The following STXBP5L variants were observed in gnomAD, a reference collection of about 807,000 sequenced individuals.
STXBP5L encodes syntaxin binding protein 5L.
STXBP5L carries 65 observed loss-of-function variants against 144.5 expected under a neutral mutation model. The ratio of observed to expected loss-of-function variants is 0.45; its 90% confidence interval spans 0.37 to 0.55. The LOEUF (loss-of-function observed/expected upper bound fraction) is 0.55. STXBP5L is among the 20% of genes least tolerant of loss of function. The probability of loss-of-function intolerance (pLI) is 0.00; values close to 1 mark genes in which losing one functional copy is unlikely to be tolerated. For missense variants in STXBP5L, 1,298 were observed against 1,405.5 expected (o/e 0.92, Z 1.22); for synonymous variants, 505 against 469.6 (o/e 1.08, Z -0.97).
intron 5 of STXBP5L, among the ~76,000 whole-genome samples, chr3:121,051,899 A>T (rs138878532): frequency 0.014 from 2,057 of 152,252 alleles, 18 homozygotes; most frequent in Middle Eastern, 0.034. Flanking sequence ...AAAATGATAA[A>T]GGGGATATCA....
chr3:120,938,740 T>G (rs1710399821), intron 2 of STXBP5L, among the ~76,000 whole-genome samples: 1 of 152,202 alleles, frequency 6.6e-6, no homozygotes, highest in Non-Finnish European at 1.5e-5. Context: ...ACCATGTGTA[T>G]TCACTAGGTT....
chr3:121,002,073 C>A (rs953507707), intron 3 of STXBP5L, among the ~76,000 whole-genome samples: 1 of 151,904 alleles, frequency 6.6e-6, no homozygotes, highest in South Asian at 2.1e-4. Flanking sequence ...TCATATATAC[C>A]CAGAAGAGAG....
chr3:121,044,346 A>T (rs1326391175), intron 4 of STXBP5L, among the ~76,000 whole-genome samples: 1 of 152,168 alleles, frequency 6.6e-6, no homozygotes, highest in Non-Finnish European at 1.5e-5. Context: ...TGGCTTAGAA[A>T]TTATTATAGA....
In STXBP5L at chr3:121,392,342, C is replaced by T. The variant is rs139558972; in HGVS notation, c.2587+10810C>T. On this transcript the variant is annotated intron_variant, in intron 22 of 26. Transcript: ENST00000471454. ...TGGCTAGGAAAGGGAAATCCCCCCA[C>T]CCCTTGCGCTTCCCAGGTAAGGTGA... 4.2e-4 allele frequency among the ~76,000 whole-genome samples: 64 copies of T among 152,260 alleles called. 1 individual carries two copies. The highest frequency in any genetic ancestry group is 1.4e-3 in the African/African-American group (58 of 41,558).
At chr3:121,411,099 T>C (rs1452706742) in intron 23 of STXBP5L, among the ~76,000 whole-genome samples, 1 of 152,130 alleles carries the variant, frequency 6.6e-6, no homozygotes, top group Non-Finnish European at 1.5e-5. Context: ...TCTTTTAATA[T>C]CTTTTTAAGA....
chr3:120,924,832 C>T (rs1179407893), intron 2 of STXBP5L, among the ~76,000 whole-genome samples: 3 of 36,524 alleles, frequency 8.2e-5, no homozygotes, highest in African/African-American at 4.0e-4. Flanking sequence ...GTCTCAGCCT[C>T]CCCGAGTAGC....
At position 121,273,826 on chromosome 3, in the gene STXBP5L, T is replaced by C. The variant is rs534512142; in HGVS notation, c.1959-5979T>C. Among the ~76,000 whole-genome samples the C allele has an allele frequency of 2.6e-5, 4 of 152,172 alleles. No individual in the cohort carries two copies. The South Asian group carries it at 8.3e-4, about 32-fold the overall frequency. On this transcript the variant is annotated intron_variant, in intron 18 of 26. Transcript: ENST00000471454. ...GCTTGATCAAGTCGGCTAGCAGAGC[T>C]CTCTACTGCATTTTTTCTTTCATTC... is the stretch of plus-strand genomic sequence containing the variant.
At chr3:121,239,362 T>G (rs529108919) in intron 13 of STXBP5L, among the ~76,000 whole-genome samples, 1 of 150,554 alleles carries the variant, frequency 6.6e-6, no homozygotes, top group African/African-American at 2.4e-5. Flanking sequence ...TAAGATATAC[T>G]TATCTAGTAT....
intron 2 of STXBP5L, among the ~76,000 whole-genome samples, chr3:120,931,221 G>A (rs1425466218): frequency 6.6e-6 from 1 of 152,076 alleles, no homozygotes; most frequent in African/African-American, 2.4e-5. Context: ...TTGTCAGAAA[G>A]TGGGGTAATT....
intron 3 of STXBP5L, among the ~76,000 whole-genome samples, chr3:120,967,087 G>A (rs1484951704): frequency 1.3e-5 from 2 of 152,100 alleles, no homozygotes; most frequent in African/African-American, 2.4e-5. Context: ...GGCTCAGTGG[G>A]TGTGGGACCC....
intron 5 of STXBP5L, among the ~76,000 whole-genome samples, chr3:121,100,624 A>G (rs1256014617): frequency 6.6e-6 from 1 of 152,190 alleles, no homozygotes; most frequent in Non-Finnish European, 1.5e-5. Context: ...ATAGTACTAA[A>G]TGCCTGTCTC....
At chr3:120,962,585 G>T (rs911701748) in intron 3 of STXBP5L, among the ~76,000 whole-genome samples, 1 of 152,162 alleles carries the variant, frequency 6.6e-6, no homozygotes, top group Non-Finnish European at 1.5e-5. Context: ...TCAGATGGTT[G>T]TAGATGTGTG....
chr3:121,342,960 C>A (rs1442294442), intron 20 of STXBP5L, among the ~76,000 whole-genome samples: 8 of 150,426 alleles, frequency 5.3e-5, no homozygotes, highest in Non-Finnish European at 7.4e-5. Context: ...TACAGTCCCA[C>A]CAACAGTGTA....
intron 5 of STXBP5L, among the ~76,000 whole-genome samples, chr3:121,099,932 C>G (rs930638497): frequency 6.6e-6 from 1 of 151,766 alleles, no homozygotes; most frequent in Admixed American, 6.6e-5. Flanking sequence ...AAATCGAAAA[C>G]AAAAAAGTAG....
intron 9 of STXBP5L, among the ~76,000 whole-genome samples, chr3:121,166,169 G>C (rs2046491545): frequency 6.6e-6 from 1 of 152,026 alleles, no homozygotes; most frequent in African/African-American, 2.4e-5. Flanking sequence ...ACCACACCCA[G>C]CTAATTTTTA....
At chr3:121,191,526 G>A (rs1234856945) in intron 9 of STXBP5L, among the ~76,000 whole-genome samples, 2 of 152,162 alleles carry the variant, frequency 1.3e-5, no homozygotes, top group African/African-American at 4.8e-5. Context: ...GAGGGAGACT[G>A]TGCAAAGGGG....
Position 121,233,480 on chromosome 3 carries a change from C to A in STXBP5L, c.1112-136C>A, listed in dbSNP as rs1363866965. On this transcript the variant is annotated intron_variant, in intron 11 of 26. Coordinates refer to ENST00000471454, the MANE Select transcript of STXBP5L (RefSeq NM_001308330.2). ...AACTTTTTTTAAGTGCTCTTTGTTA[C>A]TTCTTACTTTGGCTTATAGTTTGGT... 1.3e-5 allele frequency: 7 copies of A among 522,448 alleles called. No individual in the cohort carries two copies. The East Asian group carries it at 2.3e-4, about 17-fold the overall frequency. 32.4% of individuals were successfully genotyped at this position (522,448 alleles called of 1,614,324 possible).
At chr3:121,051,728 A>C (rs1948015368) in intron 5 of STXBP5L, among the ~76,000 whole-genome samples, 1 of 152,220 alleles carries the variant, frequency 6.6e-6, no homozygotes, top group Non-Finnish European at 1.5e-5. Flanking sequence ...GCAAGAAATA[A>C]CTAAAATCAG....
rs35454737 is a variant in STXBP5L, at chr3:121,252,381, C to CAAATAAAT, written c.1441+1634_1441+1641dup. On this transcript the variant is annotated intron_variant, in intron 15 of 26. Transcript: ENST00000471454. ...ACTCCATCTCCAAAAAGAAAAATAA[C>CAAATAAAT]AAATAAATAAATAAATAAATAAAAT... Among the ~76,000 whole-genome samples, 142 of 150,012 alleles carry CAAATAAAT rather than the reference C, an allele frequency of 9.5e-4. 1 individual carries two copies. The highest frequency in any genetic ancestry group is 4.0e-3 in the East Asian group (20 of 5,038).
Sources: gnomAD v4.1 joint callset for allele counts (sites outside exome capture counted in the v4.1 genomes callset) on GRCh38, gnomAD v4.1.1 for gene constraint, MANE v1.5 for transcripts, NCBI Gene and HGNC (gene_info 2026-07-23, HGNC 2026-07-21) for gene names.